The following CD247 variants were observed in gnomAD, a reference collection of about 807,000 sequenced individuals.
CD247 encodes T-cell surface glycoprotein CD3 zeta chain.
A neutral mutation model predicts 30.0 loss-of-function variants in CD247; 13 were observed. That is an observed-to-expected ratio of 0.43 (90% CI 0.28 to 0.69). CD247 has a LOEUF of 0.69. CD247 is among the 30% of genes least tolerant of loss of function. CD247 has a pLI of 0.16. For synonymous variants in CD247, 72 were observed against 80.0 expected (o/e 0.90, Z 0.53); for missense variants, 193 against 212.6 (o/e 0.91, Z 0.57).
At chr1:167,459,086 G>A (rs1375199231) in intron 1 of CD247, among the ~76,000 whole-genome samples, 1 of 150,778 alleles carries the variant, frequency 6.6e-6, no homozygotes, top group Admixed American at 6.6e-5. Context: ...GGTGAGCCGA[G>A]ATCAAGCCAC....
intron 1 of CD247, among the ~76,000 whole-genome samples, chr1:167,512,038 AT>A (rs1262688132): frequency 6.6e-6 from 1 of 151,914 alleles, no homozygotes; most frequent in Non-Finnish European, 1.5e-5. Context: ...CTTTCTATTT[AT>A]TTTTTTCTCC....
intron 1 of CD247, among the ~76,000 whole-genome samples, chr1:167,493,594 A>C (rs1356874141): frequency 6.6e-6 from 1 of 152,212 alleles, no homozygotes; most frequent in Non-Finnish European, 1.5e-5. Context: ...GGCTTAGGAA[A>C]GATAAAGTAA....
rs574574531 is a variant in CD247 at position 167,433,311 on chromosome 1, T to A, written c.394-252A>T. On this transcript the variant is annotated intron_variant, in intron 6 of 7. Coordinates refer to ENST00000362089, the MANE Select transcript of CD247 (RefSeq NM_198053.3). ...CACTCAGATCCTCACAGACATCAGA[T>A]TCCTAAGGTCTAGGGCCCGCAGGAC... is the stretch of plus-strand genomic sequence containing the variant. Among the ~76,000 whole-genome samples, 7 of 152,314 alleles carry A rather than the reference T, an allele frequency of 4.6e-5. No individual in the cohort carries two copies. The East Asian group carries it at 9.6e-4, about 21-fold the overall frequency.
chr1:167,484,007 G>A (rs1654088990), intron 1 of CD247, among the ~76,000 whole-genome samples: 1 of 152,234 alleles, frequency 6.6e-6, no homozygotes, highest in African/African-American at 2.4e-5. Context: ...CCACTGCTCT[G>A]CCACCGCTGG....
At chr1:167,485,107 C>A (rs1558020660) in intron 1 of CD247, among the ~76,000 whole-genome samples, 2 of 152,226 alleles carry the variant, frequency 1.3e-5, no homozygotes, top group Non-Finnish European at 2.9e-5. Flanking sequence ...ACATCACACC[C>A]TCATGGATGC....
intron 1 of CD247, among the ~76,000 whole-genome samples, chr1:167,485,532 C>T (rs556030205): frequency 8.7e-4 from 132 of 151,504 alleles, no homozygotes; most frequent in East Asian, 4.9e-3. Context: ...CCCAGGAAAA[C>T]GACCCACTCA....
chr1:167,473,720 C>T (rs1237420885), intron 1 of CD247, among the ~76,000 whole-genome samples: 2 of 152,184 alleles, frequency 1.3e-5, no homozygotes, highest in Non-Finnish European at 2.9e-5. Flanking sequence ...ATAGAAACCC[C>T]TCACCTAAGC....
intron 4 of CD247, 124 bp downstream of exon 4, chr1:167,438,446 T>C (rs1163383675): frequency 1.2e-6 from 1 of 811,006 alleles, no homozygotes; most frequent in Non-Finnish European, 2.2e-6. Context: ...TCTTCTCTTG[T>C]CCTGGGCCCA....
intron 1 of CD247, among the ~76,000 whole-genome samples, chr1:167,504,804 A>G (rs1337710209): frequency 6.6e-6 from 1 of 152,222 alleles, no homozygotes; most frequent in Non-Finnish European, 1.5e-5. Context: ...CTTAAAAGGA[A>G]ACCCTTCTAA....
At chr1:167,464,175 TC>T (rs1267923471) in intron 1 of CD247, among the ~76,000 whole-genome samples, 4 of 152,200 alleles carry the variant, frequency 2.6e-5, no homozygotes, top group Non-Finnish European at 4.4e-5. Context: ...TAAGTTCTCT[TC>T]CTTAGTAAAG....
chr1:167,476,235 C>T (rs540495572), intron 1 of CD247, among the ~76,000 whole-genome samples: 3 of 152,102 alleles, frequency 2.0e-5, no homozygotes, highest in African/African-American at 7.2e-5. Flanking sequence ...TTCTGCTGAG[C>T]TTCCTGAGGG....
intron 1 of CD247, among the ~76,000 whole-genome samples, chr1:167,483,713 A>C (rs903519278): frequency 6.6e-6 from 1 of 152,266 alleles, no homozygotes; most frequent in Admixed American, 6.5e-5. Context: ...CCTGCAGGGC[A>C]GTGCCTGCTC....
rs1279945463 is a variant in CD247, at chr1:167,439,404, C to A, written c.163-4G>T. 1 of 1,613,888 alleles carries A rather than the reference C, an allele frequency of 6.2e-7. No individual in the cohort carries two copies. The highest frequency in any genetic ancestry group is 8.5e-7 in the Non-Finnish European group (1 of 1,179,846). On this transcript the variant is annotated splice_polypyrimidine_tract_variant and splice_region_variant and intron_variant, in intron 2 of 7. Coordinates refer to ENST00000362089, the MANE Select transcript of CD247 (RefSeq NM_198053.3). ...GGGCGTCTGCGCTCCTGCTGAACTG[C>A]AACACAGAAAGCAAAGCGCGTTACT... is the stretch of plus-strand genomic sequence containing the variant.
chr1:167,503,300 C>T (rs1654988347), intron 1 of CD247, among the ~76,000 whole-genome samples: 4 of 152,214 alleles, frequency 2.6e-5, no homozygotes, highest in South Asian at 4.1e-4. Context: ...CCTACCCATT[C>T]ATATCCTACC....
chr1:167,473,375 C>T (rs1019006311), intron 1 of CD247, among the ~76,000 whole-genome samples: 5 of 152,272 alleles, frequency 3.3e-5, no homozygotes, highest in African/African-American at 7.2e-5. Flanking sequence ...CATATTGTTT[C>T]GAAAATAAGG....
At chr1:167,464,761 A>G (rs988494288) in intron 1 of CD247, among the ~76,000 whole-genome samples, 2 of 152,214 alleles carry the variant, frequency 1.3e-5, no homozygotes, top group African/African-American at 4.8e-5. Flanking sequence ...GAAGATGACA[A>G]CACTAACTTG....
intron 1 of CD247, among the ~76,000 whole-genome samples, chr1:167,498,222 C>T (rs1233324826): frequency 2.0e-5 from 3 of 152,340 alleles, no homozygotes; most frequent in East Asian, 1.9e-4. Context: ...TCACAGACTT[C>T]GGTTGTCTTT....
At chr1:167,454,401 A>G (rs1652528049) in intron 1 of CD247, among the ~76,000 whole-genome samples, 1 of 152,248 alleles carries the variant, frequency 6.6e-6, no homozygotes, top group African/African-American at 2.4e-5. Context: ...AACCAAAACA[A>G]AAACAAATAA....
chr1:167,511,805 G>C (rs991229642), intron 1 of CD247, among the ~76,000 whole-genome samples: 3 of 151,982 alleles, frequency 2.0e-5, no homozygotes, highest in Non-Finnish European at 4.4e-5. Flanking sequence ...CATGTTTGAG[G>C]CCTGGTTCTA....
Sources: allele counts gnomAD v4.1 joint callset (sites outside exome capture counted in the v4.1 genomes callset), GRCh38; gene constraint gnomAD v4.1.1; transcripts MANE v1.5; gene names NCBI Gene and HGNC (gene_info 2026-07-23, HGNC 2026-07-21).